WDR62: variants seen among roughly 807,000 people sequenced by gnomAD.
WDR62 encodes the protein WD repeat-containing protein 62.
WDR62 carries 112 observed loss-of-function variants against 160.6 expected under a neutral mutation model. The ratio of observed to expected loss-of-function variants is 0.70; its 90% CI spans 0.60 to 0.82. The LOEUF (loss-of-function observed/expected upper bound fraction) is 0.82. Among genes scored for constraint, WDR62 ranks in the 40% least tolerant of loss-of-function variants. The pLI, the probability that WDR62 is intolerant of heterozygous loss-of-function variation, is 0.00. For synonymous variants in WDR62, 792 were observed against 815.1 expected (o/e 0.97, Z 0.48); for missense variants, 1,819 against 1,983.8 (o/e 0.92, Z 1.58).
At chr19:36,089,369 C>T (rs2145769129) in intron 15 of WDR62, 63 bp downstream of exon 15, 2 of 1,613,348 alleles carry the variant, frequency 1.2e-6, no homozygotes, top group East Asian at 2.2e-5. Context: ...GTCTGCTTTC[C>T]TCCCTCTGTT....
chr19:36,092,707 C>G lies in WDR62; in HGVS notation c.2229C>G (p.His743Gln). ...VSGDSCVFIWHLGPEITNCMK... is the reference protein window; with the variant it reads ...VSGDSCVFIWQLGPEITNCMK... ...TCCGCAGCTGCGTGTTCATCTGGCACCTGGGCCCGGAGATCACCAACTGCA... is the reference window on the plus strand; with the variant it reads ...TCCGCAGCTGCGTGTTCATCTGGCAGCTGGGCCCGGAGATCACCAACTGCA... Residue 743 changes from histidine to glutamine, a missense_variant, in exon 19 of 32, where the codon CAC becomes CAG. His to Gln is a conservative substitution (Grantham distance 24). This residue lies in a region of WDR62 where 934 missense variants were observed against 1,157.2 expected (regional missense o/e 0.81). Coordinates refer to ENST00000401500, the MANE Select transcript of WDR62 (RefSeq NM_001083961.2). 1 of 1,614,194 alleles carries G rather than the reference C, an allele frequency of 6.2e-7. No individual in the cohort carries two copies. Among genetic ancestry groups the G allele is most frequent in the South Asian group, 1.1e-5 (1 of 91,086 alleles).
intron 1 of WDR62, among the ~76,000 whole-genome samples, chr19:36,056,166 AAAATAAAT>A (rs901191290): frequency 1.3e-4 from 20 of 152,292 alleles, no homozygotes; most frequent in Non-Finnish European, 2.5e-4. Context: ...ACTCTGTCTC[AAAATAAAT>A]AAATAAATAA....
chr19:36,107,864 G>A (rs1973742385), downstream of WDR62, among the ~76,000 whole-genome samples: 1 of 152,066 alleles, frequency 6.6e-6, no homozygotes, highest in African/African-American at 2.4e-5. Flanking sequence ...CACTGCTGGT[G>A]GTGCAGCATG....
At chr19:36,075,103 C>T (rs943787766) in intron 9 of WDR62, 1 of 151,280 alleles carries the variant, frequency 6.6e-6, no homozygotes, top group Admixed American at 6.6e-5. Flanking sequence ...GGTGTGATCT[C>T]GGTTCACTGC....
intron 10 of WDR62, among the ~76,000 whole-genome samples, chr19:36,082,250 T>G (rs1377183741): frequency 6.6e-6 from 1 of 152,140 alleles, no homozygotes; most frequent in East Asian, 1.9e-4. Context: ...CGAAAAGCAC[T>G]GTGAAGGAAA....
Position 36,099,470 on chromosome 19 carries a change from G to A in WDR62, c.2592G>A (p.Trp864Ter). The change falls in exon 22 of 32, where the codon TGG (tryptophan) becomes TGA (stop). Residue 864 changes from tryptophan (W) to a stop codon, truncating the protein, a stop_gained. Coordinates refer to ENST00000401500, the MANE Select transcript of WDR62 (RefSeq NM_001083961.2). LOFTEE classifies it high-confidence loss of function. Reference protein sequence around the residue: ...AKRSYQPHGRWAERAGQEPLK... With the variant: ...AKRSYQPHGR ...GCAGCTACCAGCCCCACGGCCGCTG[G>A]GCAGAGCGGGCCGGCCAAGAGCCCC... 6.2e-7 allele frequency: 1 copy of A among 1,613,968 alleles called. No homozygotes were observed. The highest frequency in any genetic ancestry group is 8.5e-7 in the Non-Finnish European group (1 of 1,180,038).
At chr19:36,074,543 TCGGCAGGGGCTG>T (rs1971475194) in intron 9 of WDR62, among the ~76,000 whole-genome samples, 1 of 152,202 alleles carries the variant, frequency 6.6e-6, no homozygotes, top group African/African-American at 2.4e-5. Context: ...TTGCAGCTAC[TCGGCAGGGGCTG>T]CGGCAGGGGG....
chr19:36,095,458 G>A (rs1220256042), intron 20 of WDR62, among the ~76,000 whole-genome samples: 2 of 152,192 alleles, frequency 1.3e-5, no homozygotes, highest in Non-Finnish European at 2.9e-5. Context: ...GGCAGAGACT[G>A]TAGTCAGCTC....
At chr19:36,055,234 C>A in intron 1 of WDR62, 86 bp downstream of exon 1, 1 of 1,460,566 alleles carries the variant, frequency 6.8e-7, no homozygotes, top group Non-Finnish European at 9.3e-7. Flanking sequence ...GCCCCGACAT[C>A]AGCCCCCGGC....
At chr19:36,094,471 T>C (rs1972833628) in intron 20 of WDR62, among the ~76,000 whole-genome samples, 1 of 151,864 alleles carries the variant, frequency 6.6e-6, no homozygotes, top group African/African-American at 2.4e-5. Flanking sequence ...GGAAAATTGC[T>C]TGAACCTGGG....
At chr19:36,085,646 T>G (rs897637152) in intron 12 of WDR62, among the ~76,000 whole-genome samples, 1 of 151,974 alleles carries the variant, frequency 6.6e-6, no homozygotes, top group Non-Finnish European at 1.5e-5. Flanking sequence ...TTTCACCATG[T>G]TAGCCTAGGC....
Position 36,104,131 on chromosome 19 carries a change from G to A in WDR62, c.4153+150G>A, listed in dbSNP as rs938241627. 8 of 1,105,932 alleles carry A rather than the reference G, an allele frequency of 7.2e-6. No homozygotes were observed. In the Admixed American group the frequency reaches 8.1e-5, roughly 11 times the overall value. The allele number at this position is 1,105,932 out of a possible 1,614,324, so 68.5% of individuals were successfully genotyped here. A position where few individuals can be genotyped will look rare whatever the true frequency, so the allele number is the denominator to read the frequency against. ...CTTAAATATTTAATGAGCATTACAT[G>A]TTGGGCTTTGTGCTAAACCCTGGGA... On this transcript the variant is annotated intron_variant, in intron 30 of 31. Coordinates refer to ENST00000401500, the MANE Select transcript of WDR62 (RefSeq NM_001083961.2).
intron 13 of WDR62, among the ~76,000 whole-genome samples, chr19:36,088,741 A>T (rs1972406533): frequency 6.6e-6 from 1 of 152,178 alleles, no homozygotes; most frequent in African/African-American, 2.4e-5. Context: ...CCGCTACTCA[A>T]GTCACCTATC....
At position 36,103,810 on chromosome 19, in the gene WDR62, G is replaced by T. The variant is rs1973556319; in HGVS notation, c.3982G>T (p.Ala1328Ser). The stretch of plus-strand genomic sequence containing the variant: ...CACCGTCCCTGCAGTGAGCTTCCCA[G>T]CCCCTAGCCCTGTGGAAGAGAGCGC... ...GVTVPAVSFP[A>S]PSPVEESALR... The change falls in exon 30 of 32, where the codon GCC becomes TCC. Residue 1328 changes from alanine to serine, a missense_variant. Around this residue, in one of 3 missense-constraint regions of WDR62, gnomAD observed 770 missense variants for 734.2 expected, o/e 1.05. Coordinates refer to ENST00000401500, the MANE Select transcript of WDR62 (RefSeq NM_001083961.2). 6.2e-7 allele frequency: 1 copy of T among 1,607,714 alleles called. No individual in the cohort carries two copies. The highest frequency in any genetic ancestry group is 8.5e-7 in the Non-Finnish European group (1 of 1,178,884).
Position 36,089,302 on chromosome 19 carries a change from G to A in WDR62, c.1954G>A (p.Val652Met). ...GGCCGTGGCCTGCCAGGACCGCAAT[G>A]TGAGGTAAGGGGTGGCCCTGGACCC... ...YVAVACQDRN[V>M]RVYNTVNGKQ... is the part of the protein sequence containing the mutation. Residue 652 changes from valine (V) to methionine (M), a missense_variant, in exon 15 of 32, where the codon GTG becomes ATG. Val to Met is a conservative substitution (Grantham distance 21). Coordinates refer to ENST00000401500, the MANE Select transcript of WDR62 (RefSeq NM_001083961.2). The A allele has an allele frequency of 6.2e-7, 1 of 1,614,240 alleles. No homozygotes were observed. Among genetic ancestry groups the A allele is most frequent in the South Asian group, 1.1e-5 (1 of 91,088 alleles).
At chr19:36,057,617 C>T (rs1321609213) in intron 1 of WDR62, among the ~76,000 whole-genome samples, 1 of 151,866 alleles carries the variant, frequency 6.6e-6, no homozygotes, top group East Asian at 1.9e-4. Context: ...TGGGTTCAAG[C>T]GATTTTACTG....
chr19:36,089,881 C>T (rs966962756), intron 15 of WDR62, among the ~76,000 whole-genome samples: 1 of 152,220 alleles, frequency 6.6e-6, no homozygotes, highest in African/African-American at 2.4e-5. Flanking sequence ...CTCATTCACC[C>T]GTATTCCCTG....
chr19:36,071,463 T>C, intron 7 of WDR62, 93 bp from the exon 8 acceptor site: 1 of 1,471,010 alleles, frequency 6.8e-7, no homozygotes, highest in Non-Finnish European at 9.5e-7. Context: ...GTAAGTCTTC[T>C]CTGGAGGCCT....
At chr19:36,079,926 TA>T (rs1971791861) in intron 9 of WDR62, among the ~76,000 whole-genome samples, 1 of 152,096 alleles carries the variant, frequency 6.6e-6, no homozygotes. Flanking sequence ...TTTGGGAGAT[TA>T]AAAAAATTAA....
Sources: gnomAD v4.1 joint callset for allele counts (sites outside exome capture counted in the v4.1 genomes callset) on GRCh38, gnomAD v4.1.1 for gene constraint, gnomAD v4.1.1 regional missense constraint, MANE v1.5 for transcripts, NCBI Gene and HGNC (gene_info 2026-07-23, HGNC 2026-07-21) for gene names.